The following CFAP97 variants were observed in gnomAD, a reference collection of about 807,000 sequenced individuals.
The protein encoded by CFAP97 is cilia- and flagella-associated protein 97.
In CFAP97, 36 loss-of-function variants were observed where a neutral mutation model predicts 43.1. The ratio of observed to expected loss-of-function variants is 0.84; its 90% CI spans 0.64 to 1.10. CFAP97 has a LOEUF of 1.10. Ranked by LOEUF, CFAP97 falls within the 50% of genes least tolerant of loss-of-function variation. CFAP97 has a pLI of 0.00. For synonymous variants in CFAP97, 228 were observed against 225.7 expected (o/e 1.01, Z -0.09); for missense variants, 657 against 620.3 (o/e 1.06, Z -0.63).
At chr4:185,195,763 G>C (rs1195725384) in intron 1 of CFAP97, among the ~76,000 whole-genome samples, 4 of 152,168 alleles carry the variant, frequency 2.6e-5, no homozygotes, top group Non-Finnish European at 5.9e-5. Context: ...TTGCCCACTT[G>C]AATGTAAAAG....
chr4:185,181,088 ACTTTTG>A (rs1735761539), intron 2 of CFAP97, among the ~76,000 whole-genome samples: 1 of 151,892 alleles, frequency 6.6e-6, no homozygotes, highest in African/African-American at 2.4e-5. Flanking sequence ...GTCTCTGCAG[ACTTTTG>A]TCTGCAGACA....
At chr4:185,166,447 T>A (rs181466877) in intron 3 of CFAP97, among the ~76,000 whole-genome samples, 11 of 152,376 alleles carry the variant, frequency 7.2e-5, no homozygotes, top group African/African-American at 2.6e-4. Context: ...CCTGGCATTT[T>A]CAGTTATCTT....
At position 185,164,023 on chromosome 4, in the gene CFAP97, G is replaced by A. The variant is rs769029052; in HGVS notation, c.1471+6C>T. On this transcript the variant is annotated splice_donor_region_variant and intron_variant, in intron 4 of 4. Coordinates refer to ENST00000458385, the MANE Select transcript of CFAP97 (RefSeq NM_020827.3). ...ATAAGTATAAAATAATTTCCAAAAT[G>A]CTTACTTAATGGGCTATATTGGCCA... is the stretch of plus-strand genomic sequence containing the variant. The A allele has an allele frequency of 6.2e-7, 1 of 1,607,134 alleles. No homozygotes were observed. Among genetic ancestry groups the A allele is most frequent in the African/African-American group, 1.3e-5 (1 of 74,732 alleles).
chr4:185,187,169 GCA>G (rs1736038248), intron 2 of CFAP97, among the ~76,000 whole-genome samples: 2 of 152,312 alleles, frequency 1.3e-5, no homozygotes, highest in South Asian at 2.1e-4. Context: ...GCAGAAGGAT[GCA>G]CAGACTTATT....
chr4:185,203,510 AC>A (rs1261134047), intron 1 of CFAP97, among the ~76,000 whole-genome samples: 1 of 152,046 alleles, frequency 6.6e-6, no homozygotes, highest in Non-Finnish European at 1.5e-5. Flanking sequence ...TACATCCCCT[AC>A]CGTCCCCGGA....
At chr4:185,206,471 C>G (rs1186778604), upstream of CFAP97, among the ~76,000 whole-genome samples, 1 of 129,072 alleles carries the variant, frequency 7.7e-6, no homozygotes, top group Non-Finnish European at 1.6e-5. Context: ...GGGGTTGAGA[C>G]CAGCCCGATG....
chr4:185,165,541 T>C (rs1735036204), intron 3 of CFAP97, among the ~76,000 whole-genome samples: 1 of 152,220 alleles, frequency 6.6e-6, no homozygotes, highest in Non-Finnish European at 1.5e-5. Context: ...GATTGTGTTT[T>C]ATTCTTTTCT....
upstream of CFAP97, chr4:185,209,990 G>T (rs915124550): frequency 2.4e-4 from 235 of 983,638 alleles, no homozygotes; most frequent in South Asian, 6.0e-4. The surrounding 1 kb of genome is among the most constrained non-coding windows in gnomAD (Gnocchi z 5.2). Flanking sequence ...CCGGGCGGCC[G>T]GAGCTGGTGG....
Position 185,162,923 on chromosome 4 carries a change from C to T in CFAP97, c.1474G>A (p.Ala492Thr), listed in dbSNP as rs1734922572. 1 of 1,552,094 alleles carries T rather than the reference C, an allele frequency of 6.4e-7. No individual in the cohort carries two copies. Among genetic ancestry groups the T allele is most frequent in the African/African-American group, 1.4e-5 (1 of 71,656 alleles). ...STLGQYSPLR[A>T]SRTSSATSGL... is the part of the protein sequence containing the mutation. Reference sequence around the variant, plus strand: ...CTCGTAGCACTGGATGTCCTGGAAGCTCCTGAAAATATAAAAAGAAGAAAT... The same window carrying T: ...CTCGTAGCACTGGATGTCCTGGAAGTTCCTGAAAATATAAAAAGAAGAAAT... The change falls in exon 5 of 5, where the codon GCT (alanine) becomes ACT (threonine). Residue 492 changes from alanine (A) to threonine (T), a missense_variant and splice_region_variant. By Grantham distance (58) the Ala-to-Thr change is moderately conservative. Coordinates refer to ENST00000458385, the MANE Select transcript of CFAP97 (RefSeq NM_020827.3).
intron 1 of CFAP97, among the ~76,000 whole-genome samples, chr4:185,192,226 T>C (rs1736293810): frequency 6.6e-6 from 1 of 152,204 alleles, no homozygotes; most frequent in Non-Finnish European, 1.5e-5. Flanking sequence ...CTTCTGAATA[T>C]GTAATCACAA....
chr4:185,197,252 T>C (rs1736596968), intron 1 of CFAP97, among the ~76,000 whole-genome samples: 1 of 151,800 alleles, frequency 6.6e-6, no homozygotes, highest in Admixed American at 6.6e-5. Flanking sequence ...ATCTTAAACA[T>C]AACAAAAGAG....
upstream of CFAP97, among the ~76,000 whole-genome samples, chr4:185,207,352 GA>G (rs1263791235): frequency 2.0e-5 from 3 of 151,848 alleles, no homozygotes; most frequent in East Asian, 5.8e-4. Flanking sequence ...GAGTAGCTGG[GA>G]CTACAGGCGC....
chr4:185,187,692 AAGGCC>A (rs1212570075), intron 2 of CFAP97, among the ~76,000 whole-genome samples: 3 of 151,660 alleles, frequency 2.0e-5, no homozygotes, highest in African/African-American at 7.3e-5. Context: ...TCAGGTCGAA[AAGGCC>A]AGCAATATCC....
At chr4:185,194,621 G>A (rs1345555192) in intron 1 of CFAP97, among the ~76,000 whole-genome samples, 2 of 152,172 alleles carry the variant, frequency 1.3e-5, no homozygotes, top group African/African-American at 4.8e-5. Flanking sequence ...TCCAACTCCT[G>A]GGCTCAAGTG....
intron 1 of CFAP97, among the ~76,000 whole-genome samples, chr4:185,193,824 G>T (rs1258346349): frequency 6.6e-6 from 1 of 151,914 alleles, no homozygotes; most frequent in East Asian, 1.9e-4. Flanking sequence ...GGAGACAGAG[G>T]CTGCAGTGAG....
Position 185,165,401 on chromosome 4 carries a change from T to G in CFAP97, c.1321-1222A>C, listed in dbSNP as rs1455988335. On this transcript the variant is annotated intron_variant, in intron 3 of 4. Transcript: ENST00000458385. The stretch of plus-strand genomic sequence containing the variant: ...TTTACAATTCAGTAACAGAGACTCA[T>G]GCAGAATGTTATAAATTTTGTTTAT... Among the ~76,000 whole-genome samples the G allele has an allele frequency of 3.3e-5, 5 of 152,338 alleles. No individual in the cohort carries two copies. The South Asian group carries it at 1.0e-3, about 32-fold the overall frequency.
At chr4:185,206,810 C>A (rs2111449045), upstream of CFAP97, among the ~76,000 whole-genome samples, 1 of 152,256 alleles carries the variant, frequency 6.6e-6, no homozygotes, top group African/African-American at 2.4e-5. Context: ...TGATGATACA[C>A]CCTTCGCCGG....
chr4:185,198,464 A>AGAAG (rs1736660508), intron 1 of CFAP97, among the ~76,000 whole-genome samples: 1 of 150,390 alleles, frequency 6.6e-6, no homozygotes, highest in Non-Finnish European at 1.5e-5. Flanking sequence ...AAAGAAAGAA[A>AGAAG]GGAAGAAAAA....
chr4:185,177,331 T>C (rs1560860957), intron 2 of CFAP97, among the ~76,000 whole-genome samples: 1 of 151,650 alleles, frequency 6.6e-6, no homozygotes, highest in Non-Finnish European at 1.5e-5. Flanking sequence ...GAGAATTGCT[T>C]GAACCCAGGA....
Sources: allele counts gnomAD v4.1 joint callset (sites outside exome capture counted in the v4.1 genomes callset), GRCh38; gene constraint gnomAD v4.1.1; non-coding constraint Gnocchi (gnomAD v3.1); transcripts MANE v1.5; gene names NCBI Gene and HGNC (gene_info 2026-07-23, HGNC 2026-07-21).